The following NLGN1 variants were observed in gnomAD, a reference collection of about 807,000 sequenced individuals.
NLGN1 encodes neuroligin 1.
NLGN1 carries 12 observed loss-of-function variants against 65.5 expected under a neutral mutation model. The ratio of observed to expected loss-of-function variants is 0.18; its 90% CI spans 0.12 to 0.30. NLGN1 has a LOEUF of 0.30. Ranked by LOEUF, NLGN1 falls within the 10% of genes least tolerant of loss-of-function variation. The pLI is 1.00. For missense variants in NLGN1, 750 were observed against 1,007.1 expected (o/e 0.74, Z 3.46); for synonymous variants, 350 against 359.5 (o/e 0.97, Z 0.30).
At chr3:173,921,406 C>T (rs575752363) in intron 4 of NLGN1, among the ~76,000 whole-genome samples, 3 of 150,812 alleles carry the variant, frequency 2.0e-5, no homozygotes, top group East Asian at 1.9e-4. Flanking sequence ...TCAGTTCATA[C>T]AAGGAATGCA....
intron 3 of NLGN1, among the ~76,000 whole-genome samples, chr3:173,728,684 C>T (rs946904828): frequency 4.6e-5 from 7 of 151,872 alleles, no homozygotes; most frequent in African/African-American, 1.2e-4. Flanking sequence ...TGGATGCATA[C>T]GTATAGGGAA....
At chr3:174,289,604 T>TA (rs1337704687), downstream of NLGN1, among the ~76,000 whole-genome samples, 1 of 151,222 alleles carries the variant, frequency 6.6e-6, no homozygotes, top group African/African-American at 2.4e-5. Context: ...TGTTAGAAGA[T>TA]ATAGAAAAAT....
chr3:173,759,774 T>C (rs191408330), intron 3 of NLGN1, among the ~76,000 whole-genome samples: 51 of 152,148 alleles, frequency 3.4e-4, no homozygotes, highest in East Asian at 3.3e-3. Flanking sequence ...GTCAGCATTC[T>C]TATCAATTTT....
At chr3:173,437,117 A>G (rs749399296) in intron 2 of NLGN1, among the ~76,000 whole-genome samples, 6 of 152,188 alleles carry the variant, frequency 3.9e-5, no homozygotes, top group Admixed American at 6.5e-5. Flanking sequence ...CCATTTTTGG[A>G]TGTAGAAATA....
intron 3 of NLGN1, among the ~76,000 whole-genome samples, chr3:173,749,856 G>T (rs1273485136): frequency 6.6e-6 from 1 of 151,994 alleles, no homozygotes; most frequent in Non-Finnish European, 1.5e-5. Flanking sequence ...TTGTAACAGG[G>T]TGACTATATT....
chr3:173,957,807 G>A (rs939349667), intron 4 of NLGN1, among the ~76,000 whole-genome samples: 4 of 152,180 alleles, frequency 2.6e-5, no homozygotes, highest in African/African-American at 4.8e-5. Context: ...CCTTTGCCTC[G>A]GTTTTGCTTG....
chr3:173,886,905 C>T (rs748859844), intron 4 of NLGN1, among the ~76,000 whole-genome samples: 7 of 151,880 alleles, frequency 4.6e-5, no homozygotes, highest in South Asian at 2.1e-4. Flanking sequence ...TAAATATAGG[C>T]GAGTTCAAGA....
chr3:173,451,360 G>T (rs9833985), intron 2 of NLGN1, among the ~76,000 whole-genome samples: 1 of 152,138 alleles, frequency 6.6e-6, no homozygotes, highest in African/African-American at 2.4e-5. Context: ...CAGCAGCGGC[G>T]GCTGCAGAAC....
rs377581007 is a variant in NLGN1, at chr3:173,615,818, T to C, written c.493+10727T>C. On this transcript the variant is annotated intron_variant, in intron 3 of 6. Coordinates refer to ENST00000457714, the Ensembl canonical transcript of NLGN1. ...TAAAGCTGGGGAATGCTTTGGCTACTGATACAACAGCTGCTGGATTACAGG... is the reference window on the plus strand; with the variant it reads ...TAAAGCTGGGGAATGCTTTGGCTACCGATACAACAGCTGCTGGATTACAGG... Among the ~76,000 whole-genome samples, 10 of 151,880 alleles carry C rather than the reference T, an allele frequency of 6.6e-5. No individual in the cohort carries two copies. The East Asian group carries it at 1.8e-3, about 27-fold the overall frequency.
intron 3 of NLGN1, among the ~76,000 whole-genome samples, chr3:173,779,310 C>CTTATG (rs61399276): frequency 2.0e-5 from 3 of 151,222 alleles, no homozygotes; most frequent in African/African-American, 2.4e-5. Context: ...TTATTTTCCT[C>CTTATG]TTAGATGTCT....
At chr3:174,220,059 A>G (rs191450497) in intron 4 of NLGN1, among the ~76,000 whole-genome samples, 17 of 147,908 alleles carry the variant, frequency 1.1e-4, no homozygotes, top group Admixed American at 1.1e-3. Flanking sequence ...TCAGGACAAA[A>G]GTGTCCACAA....
chr3:173,821,944 A>G (rs919856475), intron 4 of NLGN1, among the ~76,000 whole-genome samples: 6 of 152,308 alleles, frequency 3.9e-5, no homozygotes, highest in South Asian at 4.1e-4. Context: ...GGTTTAGGGA[A>G]AACAGAAGAC....
intron 2 of NLGN1, among the ~76,000 whole-genome samples, chr3:173,508,079 A>G (rs1732325515): frequency 6.6e-6 from 1 of 152,166 alleles, no homozygotes; most frequent in East Asian, 1.9e-4. Flanking sequence ...GTTTTTTCCT[A>G]TAAAGAAGAT....
chr3:173,672,980 G>A (rs552190107), intron 3 of NLGN1, among the ~76,000 whole-genome samples: 5 of 152,204 alleles, frequency 3.3e-5, no homozygotes, highest in Non-Finnish European at 7.4e-5. Context: ...AGAGTAAAGG[G>A]ATTTAGAATG....
intron 4 of NLGN1, among the ~76,000 whole-genome samples, chr3:173,817,853 A>G (rs1719353780): frequency 6.6e-6 from 1 of 152,144 alleles, no homozygotes; most frequent in Admixed American, 6.5e-5. Context: ...TCTTTGGGCA[A>G]ATTCTGGGAG....
At chr3:173,428,929 CT>C (rs1221084955) in intron 1 of NLGN1, among the ~76,000 whole-genome samples, 1 of 151,992 alleles carries the variant, frequency 6.6e-6, no homozygotes, top group African/African-American at 2.4e-5. Context: ...TTACAATCCT[CT>C]TTTTGTGTTT....
At chr3:173,462,025 T>C (rs1352644106) in intron 2 of NLGN1, among the ~76,000 whole-genome samples, 1 of 152,186 alleles carries the variant, frequency 6.6e-6, no homozygotes, top group Non-Finnish European at 1.5e-5. Flanking sequence ...TTATTATCAA[T>C]TGCAGACTGA....
chr3:174,025,629 T>C (rs1334783454), intron 4 of NLGN1, among the ~76,000 whole-genome samples: 1 of 151,942 alleles, frequency 6.6e-6, no homozygotes, highest in Non-Finnish European at 1.5e-5. Flanking sequence ...TGCTAGTAAA[T>C]AGGAAAAAAG....
intron 3 of NLGN1, among the ~76,000 whole-genome samples, chr3:173,775,742 A>T (rs1200796893): frequency 1.3e-5 from 2 of 152,182 alleles, no homozygotes; most frequent in African/African-American, 4.8e-5. Flanking sequence ...TTTAAAAACA[A>T]TAATGCATTA....
Sources: gnomAD v4.1 joint callset for allele counts (sites outside exome capture counted in the v4.1 genomes callset) on GRCh38, gnomAD v4.1.1 for gene constraint, MANE v1.5 for transcripts, NCBI Gene and HGNC (gene_info 2026-07-23, HGNC 2026-07-21) for gene names.